Variants in KIF16B observed in about 807,000 individuals in gnomAD.
KIF16B encodes the protein kinesin family member 16B, also known as kinesin-like protein KIF16B.
A neutral mutation model predicts 156.3 loss-of-function variants in KIF16B; 98 were observed. The ratio of observed to expected loss-of-function variants is 0.63; its 90% CI spans 0.53 to 0.74. The LOEUF (loss-of-function observed/expected upper bound fraction) is 0.74. Among genes scored for constraint, KIF16B ranks in the 30% least tolerant of loss-of-function variants. KIF16B has a pLI of 0.00. For synonymous variants in KIF16B, 564 were observed against 583.7 expected (o/e 0.97, Z 0.49); for missense variants, 1,421 against 1,606.5 (o/e 0.88, Z 1.97).
At chr20:16,286,103 G>A (rs996524626) in intron 25 of KIF16B, among the ~76,000 whole-genome samples, 1 of 152,286 alleles carries the variant, frequency 6.6e-6, no homozygotes, top group African/African-American at 2.4e-5. Flanking sequence ...TACTTTAGTC[G>A]AATGATGTAT....
chr20:16,290,773 T>C (rs2063303435), intron 25 of KIF16B, among the ~76,000 whole-genome samples: 1 of 152,246 alleles, frequency 6.6e-6, no homozygotes, highest in Middle Eastern at 3.4e-3. Context: ...TTTGCACCAA[T>C]GATCCCCTTC....
chr20:16,273,806 G>A lies in KIF16B; in HGVS notation c.3796-395C>T, dbSNP rs79051812. On this transcript the variant is annotated intron_variant, in intron 25 of 25. Transcript: ENST00000354981. ...CTATCATTGTCATTAAAACCAGCAC[G>A]TGAGGAATGCCCTCCACTGTCCCAC... 6.0e-3 allele frequency among the ~76,000 whole-genome samples: 919 copies of A among 152,248 alleles called. 10 individuals are homozygous for A. Among genetic ancestry groups the A allele is most frequent in the African/African-American group, 0.019 (773 of 41,542 alleles).
chr20:16,286,080 G>A (rs1284325812), intron 25 of KIF16B, among the ~76,000 whole-genome samples: 3 of 152,144 alleles, frequency 2.0e-5, no homozygotes, highest in Admixed American at 6.5e-5. Context: ...ATACATGGTC[G>A]ATAATTTTTC....
chr20:16,327,030 TAC>T (rs55928256), intron 24 of KIF16B, among the ~76,000 whole-genome samples: 25 of 146,730 alleles, frequency 1.7e-4, no homozygotes, highest in Middle Eastern at 3.5e-3. Flanking sequence ...TGTATATATA[TAC>T]ACACACACAT....
rs190218359 is a variant in KIF16B at position 16,426,524 on chromosome 20, C to T, written c.1612+580G>A. Among the ~76,000 whole-genome samples, 43 of 152,130 alleles carry T rather than the reference C, an allele frequency of 2.8e-4. No homozygotes were observed. In the East Asian group the frequency reaches 3.9e-3, roughly 14 times the overall value. ...AAGACTTGAACGAGGTCTGAGGATC[C>T]GATGGTAGAAATGTATCAGTGTTAG... On this transcript the variant is annotated intron_variant, in intron 15 of 25. Coordinates refer to ENST00000354981, the MANE Select transcript of KIF16B (RefSeq NM_024704.5).
chr20:16,367,760 A>G lies in KIF16B; in HGVS notation c.3498+2826T>C, dbSNP rs527634717. On this transcript the variant is annotated intron_variant, in intron 22 of 25. Transcript: ENST00000354981. ...AGCTGAACCAGATCTTGCTGGAGCA[A>G]GGGATGATTAGCGCAGGCAGCGGCA... 110 of 1,612,626 alleles carry G rather than the reference A, an allele frequency of 6.8e-5. 1 individual carries two copies. In the South Asian group the frequency reaches 1.2e-3, roughly 17 times the overall value.
intron 1 of KIF16B, among the ~76,000 whole-genome samples, chr20:16,547,883 A>G (rs2070476334): frequency 6.6e-6 from 1 of 152,178 alleles, no homozygotes; most frequent in Non-Finnish European, 1.5e-5. Context: ...GGAGTTCTCC[A>G]GCTCTGCTGC....
chr20:16,382,193 GC>G, intron 17 of KIF16B: 1 of 1,067,654 alleles, frequency 9.4e-7, no homozygotes, highest in South Asian at 1.4e-5. Context: ...ATTAAGGAAA[GC>G]ATTTAATAGG....
rs551061529 is a variant in KIF16B, at chr20:16,488,687, G to A, written c.1302+5604C>T. On this transcript the variant is annotated intron_variant, in intron 12 of 25. Transcript: ENST00000354981. ...GCAGTCAGCACAATATTGTAGCCAC[G>A]CAAAAGGGAAACCGATATGAAGGGT... Among the ~76,000 whole-genome samples, 12 of 152,302 alleles carry A rather than the reference G, an allele frequency of 7.9e-5. No homozygotes were observed. In the East Asian group the frequency reaches 1.9e-3, roughly 24 times the overall value.
At chr20:16,439,172 G>A (rs190359895) in intron 12 of KIF16B, among the ~76,000 whole-genome samples, 67 of 152,132 alleles carry the variant, frequency 4.4e-4, no homozygotes, top group Non-Finnish European at 5.0e-4. Context: ...AGCTCTACCC[G>A]CATGATATGG....
intron 17 of KIF16B, among the ~76,000 whole-genome samples, chr20:16,389,675 A>T (rs910413608): frequency 6.6e-6 from 1 of 152,186 alleles, no homozygotes; most frequent in Non-Finnish European, 1.5e-5. Context: ...ATTTGGGTGA[A>T]GGGGTTTGTG....
chr20:16,517,346 T>C (rs2069175788), intron 3 of KIF16B, among the ~76,000 whole-genome samples: 1 of 152,262 alleles, frequency 6.6e-6, no homozygotes, highest in South Asian at 2.1e-4. Flanking sequence ...CAGTTTTCAA[T>C]CTTGCTCTCA....
chr20:16,433,328 TTTCTGTACAGAAG>T (rs1282757280), intron 12 of KIF16B, among the ~76,000 whole-genome samples: 3 of 152,166 alleles, frequency 2.0e-5, no homozygotes, highest in Admixed American at 2.0e-4. Context: ...GTGTATTTTC[TTTCTGTACAGAAG>T]TAGACAATAA....
intron 19 of KIF16B, among the ~76,000 whole-genome samples, chr20:16,375,580 G>A (rs1259698646): frequency 6.7e-6 from 1 of 148,772 alleles, no homozygotes; most frequent in Non-Finnish European, 1.5e-5. Flanking sequence ...GGAACACACA[G>A]TATTTTCAAA....
intron 12 of KIF16B, among the ~76,000 whole-genome samples, chr20:16,449,649 C>T (rs2067027159): frequency 6.6e-6 from 1 of 152,118 alleles, no homozygotes; most frequent in Non-Finnish European, 1.5e-5. Context: ...AGGCTGATCT[C>T]AATAGTTGTT....
chr20:16,483,746 C>G (rs1265175238), intron 12 of KIF16B, among the ~76,000 whole-genome samples: 3 of 152,076 alleles, frequency 2.0e-5, no homozygotes, highest in Admixed American at 2.0e-4. Context: ...CAGAGTAACA[C>G]ACAGGCAAAA....
intron 12 of KIF16B, among the ~76,000 whole-genome samples, chr20:16,435,823 T>C (rs985849335): frequency 6.6e-6 from 1 of 152,204 alleles, no homozygotes; most frequent in Non-Finnish European, 1.5e-5. Context: ...TCTAAAATTA[T>C]GTATTAGTCC....
At chr20:16,421,752 C>A (rs16997600) in intron 15 of KIF16B, among the ~76,000 whole-genome samples, 1 of 152,098 alleles carries the variant, frequency 6.6e-6, no homozygotes, top group African/African-American at 2.4e-5. Flanking sequence ...ACATTCACTG[C>A]ACAGCGTTTT....
intron 12 of KIF16B, among the ~76,000 whole-genome samples, chr20:16,446,286 G>GTA (rs2066928922): frequency 6.6e-6 from 1 of 152,202 alleles, no homozygotes. Context: ...TGAGAACAAT[G>GTA]CCAAGCATTA....
Sources: allele counts gnomAD v4.1 joint callset (sites outside exome capture counted in the v4.1 genomes callset), GRCh38; gene constraint gnomAD v4.1.1; transcripts MANE v1.5; gene names NCBI Gene and HGNC (gene_info 2026-07-23, HGNC 2026-07-21).